Variants in MAGI2 observed in about 807,000 individuals in gnomAD.
The protein encoded by MAGI2 is membrane associated guanylate kinase, WW and PDZ domain containing 2, also known as membrane-associated guanylate kinase, WW and PDZ domain-containing protein 2.
Under a neutral mutation model 133.3 loss-of-function variants are expected in MAGI2, and 35 were observed. That is an observed-to-expected ratio of 0.26 (90% CI 0.20 to 0.35). MAGI2 has a LOEUF of 0.35. Ranked by LOEUF, MAGI2 falls within the 10% of genes least tolerant of loss-of-function variation. MAGI2 has a pLI of 1.00. For synonymous variants in MAGI2, 729 were observed against 710.6 expected, an observed-to-expected ratio of 1.03 and a Z score of -0.41; for missense variants, 1,636 against 1,863.4, an observed-to-expected ratio of 0.88 and a Z score of 2.25.
At chr7:78,555,023 C>T (rs10255604) in intron 3 of MAGI2, among the ~76,000 whole-genome samples, 110 of 151,900 alleles carry the variant, frequency 7.2e-4, no homozygotes, top group African/African-American at 2.3e-3. Flanking sequence ...GGTAAGGCAG[C>T]GCAGCCTCAG....
intron 10 of MAGI2, among the ~76,000 whole-genome samples, chr7:78,249,411 A>G (rs950792197): frequency 6.6e-6 from 1 of 152,174 alleles, no homozygotes; most frequent in African/African-American, 2.4e-5. Flanking sequence ...CTTCACTCCT[A>G]TATTTATTGA....
intron 20 of MAGI2, among the ~76,000 whole-genome samples, chr7:78,084,970 T>C (rs1358648245): frequency 2.0e-5 from 3 of 152,196 alleles, no homozygotes; most frequent in Non-Finnish European, 4.4e-5. Flanking sequence ...TTTCTTTCAT[T>C]AGATCGCGAT....
At chr7:79,209,131 T>C (rs1226794250) in intron 1 of MAGI2, among the ~76,000 whole-genome samples, 1 of 151,992 alleles carries the variant, frequency 6.6e-6, no homozygotes, top group Admixed American at 6.6e-5. Context: ...TATTCAATAA[T>C]ACGTTGTATT....
At chr7:78,821,224 G>T (rs745696740) in intron 2 of MAGI2, among the ~76,000 whole-genome samples, 6 of 152,024 alleles carry the variant, frequency 3.9e-5, no homozygotes, top group Non-Finnish European at 8.8e-5. Context: ...GTTACGAAGA[G>T]TATCCATTCA....
chr7:78,088,023 G>A (rs1432644558), intron 20 of MAGI2, among the ~76,000 whole-genome samples: 1 of 152,140 alleles, frequency 6.6e-6, no homozygotes, highest in Non-Finnish European at 1.5e-5. Context: ...CCAGTTCTCA[G>A]AAATCACTTA....
intron 2 of MAGI2, among the ~76,000 whole-genome samples, chr7:78,878,738 A>G (rs1253294058): frequency 6.6e-6 from 1 of 152,172 alleles, no homozygotes; most frequent in Non-Finnish European, 1.5e-5. Flanking sequence ...GGTGGAGAAA[A>G]TTCACTTAAA....
intron 10 of MAGI2, among the ~76,000 whole-genome samples, chr7:78,233,245 TG>T (rs1790165663): frequency 6.6e-6 from 1 of 152,122 alleles, no homozygotes; most frequent in African/African-American, 2.4e-5. Flanking sequence ...CAACACAAGC[TG>T]GGAAATCTCA....
chr7:78,304,941 T>G (rs761744445), intron 9 of MAGI2, among the ~76,000 whole-genome samples: 4 of 152,176 alleles, frequency 2.6e-5, no homozygotes, highest in Non-Finnish European at 4.4e-5. Flanking sequence ...CCAGTGTGTG[T>G]GGAATGGAGT....
chr7:78,813,452 G>T (rs758983590), intron 2 of MAGI2, among the ~76,000 whole-genome samples: 43 of 152,160 alleles, frequency 2.8e-4, no homozygotes, highest in Non-Finnish European at 1.6e-4. Flanking sequence ...TGATGCAGTA[G>T]AAAATATTCA....
chr7:78,985,568 G>A (rs746066057), intron 2 of MAGI2, among the ~76,000 whole-genome samples: 5 of 151,328 alleles, frequency 3.3e-5, no homozygotes, highest in Non-Finnish European at 5.9e-5. Context: ...GAAGATTATC[G>A]CCATAACTCA....
intron 9 of MAGI2, among the ~76,000 whole-genome samples, chr7:78,332,506 G>A (rs1330247526): frequency 6.6e-6 from 1 of 152,034 alleles, no homozygotes; most frequent in African/African-American, 2.4e-5. Flanking sequence ...AGACCATCCT[G>A]GCTAAAATGG....
At chr7:78,481,996 C>T (rs1174865762) in intron 6 of MAGI2, among the ~76,000 whole-genome samples, 2 of 151,616 alleles carry the variant, frequency 1.3e-5, no homozygotes, top group African/African-American at 2.4e-5. Context: ...AGAAAATGTT[C>T]GTAAGCAACA....
intron 6 of MAGI2, among the ~76,000 whole-genome samples, chr7:78,465,430 C>A (rs555079240): frequency 4.5e-4 from 69 of 152,292 alleles, no homozygotes; most frequent in Middle Eastern, 3.4e-3. Flanking sequence ...AAGCCATGTA[C>A]TATTAACACG....
chr7:78,824,588 A>C (rs553389796), intron 2 of MAGI2, among the ~76,000 whole-genome samples: 1 of 151,812 alleles, frequency 6.6e-6, no homozygotes, highest in Non-Finnish European at 1.5e-5. Context: ...GAGAAGTTTC[A>C]GTTCATATCC....
At chr7:78,269,092 C>A (rs1284905745) in intron 9 of MAGI2, among the ~76,000 whole-genome samples, 1 of 152,080 alleles carries the variant, frequency 6.6e-6, no homozygotes, top group Non-Finnish European at 1.5e-5. Context: ...AGTTCATCCA[C>A]GTCCCTGCAA....
rs371143861 is a variant in MAGI2, at chr7:78,789,428, C to T, written c.419-162189G>A. Among the ~76,000 whole-genome samples the T allele has an allele frequency of 5.3e-5, 8 of 152,306 alleles. 1 individual carries two copies. The South Asian group carries it at 1.4e-3, about 28-fold the overall frequency. On this transcript the variant is annotated intron_variant, in intron 2 of 21. Coordinates refer to ENST00000354212, the MANE Select transcript of MAGI2 (RefSeq NM_012301.4). ...TCAGCAAAGATGTAAAATCCACAGACGATGAATGATATTGCCTGCCATGAT... is the reference window on the plus strand; with the variant it reads ...TCAGCAAAGATGTAAAATCCACAGATGATGAATGATATTGCCTGCCATGAT...
chr7:79,280,048 C>T (rs573704468), intron 1 of MAGI2, among the ~76,000 whole-genome samples: 1 of 152,038 alleles, frequency 6.6e-6, no homozygotes, highest in African/African-American at 2.4e-5. Context: ...TTAGCATCAC[C>T]TAAAATAATC....
intron 3 of MAGI2, among the ~76,000 whole-genome samples, chr7:78,597,323 CATA>C (rs1804715197): frequency 6.8e-6 from 1 of 147,692 alleles, no homozygotes. Context: ...ATACTTGATA[CATA>C]ATAATTTTTG....
At chr7:79,126,246 T>G (rs1276877004) in intron 1 of MAGI2, among the ~76,000 whole-genome samples, 1 of 152,190 alleles carries the variant, frequency 6.6e-6, no homozygotes, top group Non-Finnish European at 1.5e-5. Flanking sequence ...CAGACACTAT[T>G]TCGTTTCCTC....
Sources: allele counts gnomAD v4.1 joint callset (sites outside exome capture counted in the v4.1 genomes callset), GRCh38; gene constraint gnomAD v4.1.1; transcripts MANE v1.5; gene names NCBI Gene and HGNC (gene_info 2026-07-23, HGNC 2026-07-21).